FRMD4A: variants seen among roughly 807,000 people sequenced by gnomAD.
FRMD4A encodes FERM domain containing 4A.
In FRMD4A, 29 loss-of-function variants were observed where a neutral mutation model predicts 129.1. The ratio of observed to expected loss-of-function variants is 0.22; its 90% CI spans 0.17 to 0.31. The LOEUF (loss-of-function observed/expected upper bound fraction) is 0.31. Among genes scored for constraint, FRMD4A ranks in the 10% least tolerant of loss-of-function variants. FRMD4A has a pLI of 1.00. For synonymous variants in FRMD4A, 634 were observed against 571.6 expected (o/e 1.11, Z -1.56); for missense variants, 1,272 against 1,375.8 (o/e 0.92, Z 1.19).
At chr10:13,921,523 A>G (rs1203230986) in intron 2 of FRMD4A, among the ~76,000 whole-genome samples, 1 of 152,158 alleles carries the variant, frequency 6.6e-6, no homozygotes, top group East Asian at 1.9e-4. Context: ...GGCCTCCCGA[A>G]GTGTTGGAAT....
chr10:14,236,422 C>T (rs78796263), intron 2 of FRMD4A, among the ~76,000 whole-genome samples: 118 of 152,216 alleles, frequency 7.8e-4, no homozygotes, highest in African/African-American at 2.5e-3. Flanking sequence ...GAGCAGGAGC[C>T]GAGGTCTAGG....
At chr10:14,080,560 T>G (rs1835872404) in intron 2 of FRMD4A, among the ~76,000 whole-genome samples, 1 of 152,100 alleles carries the variant, frequency 6.6e-6, no homozygotes, top group African/African-American at 2.4e-5. Context: ...GAGCCTCTTC[T>G]GGGGTGGGAC....
At chr10:13,848,203 A>G (rs10796138) in intron 3 of FRMD4A, among the ~76,000 whole-genome samples, 150,640 of 152,274 alleles carry the variant, frequency 0.99, 74,532 homozygotes, top group Middle Eastern at 1. Flanking sequence ...GGCACCATAG[A>G]GAGGACATGG....
intron 2 of FRMD4A, among the ~76,000 whole-genome samples, chr10:14,006,250 A>G (rs956821734): frequency 6.6e-6 from 1 of 152,178 alleles, no homozygotes; most frequent in African/African-American, 2.4e-5. Flanking sequence ...CAATGTTCCA[A>G]GGATGTGCAG....
intron 2 of FRMD4A, chr10:13,971,920 T>C (rs2095520969): frequency 4.0e-6 from 5 of 1,237,900 alleles, no homozygotes; most frequent in South Asian, 1.4e-5. Flanking sequence ...AAAAATGCAG[T>C]CCAAATAACT....
chr10:13,909,524 A>C lies in FRMD4A; in HGVS notation c.46-50612T>G, dbSNP rs558156358. 3.9e-5 allele frequency among the ~76,000 whole-genome samples: 6 copies of C among 152,334 alleles called. No homozygotes were observed. The East Asian group carries it at 1.2e-3, about 29-fold the overall frequency. On this transcript the variant is annotated intron_variant, in intron 2 of 24. Transcript: ENST00000357447. ...AGCATGGAAACATAAGATAACCACA[A>C]ATGAATTCAAAATAAACAGTAATTA...
chr10:14,283,364 A>G (rs1564439043), intron 2 of FRMD4A, among the ~76,000 whole-genome samples: 1 of 152,230 alleles, frequency 6.6e-6, no homozygotes, highest in Non-Finnish European at 1.5e-5. Flanking sequence ...TGATCACTGA[A>G]AAGACAGCAA....
intron 2 of FRMD4A, among the ~76,000 whole-genome samples, chr10:14,177,131 G>C (rs1405907051): frequency 6.6e-6 from 1 of 152,150 alleles, no homozygotes; most frequent in Non-Finnish European, 1.5e-5. Flanking sequence ...CACTGTTTGT[G>C]CCCTTTCTAA....
At chr10:13,812,028 G>A (rs1479371286) in intron 3 of FRMD4A, among the ~76,000 whole-genome samples, 1 of 151,934 alleles carries the variant, frequency 6.6e-6, no homozygotes, top group Non-Finnish European at 1.5e-5. Context: ...GACTACAGGT[G>A]CGTGCCACCA....
Position 13,904,360 on chromosome 10 carries a change from A to T in FRMD4A, c.46-45448T>A, listed in dbSNP as rs1474862418. Among the ~76,000 whole-genome samples, 9 of 150,922 alleles carry T rather than the reference A, an allele frequency of 6.0e-5. No homozygotes were observed. In the South Asian group the frequency reaches 1.9e-3, roughly 32 times the overall value. Reference sequence around the variant, plus strand: ...CCTGACACCTGGTTGACTCCCACTCACTCTTCCAGCTCCGCTCAGACGCCT... The same window carrying T: ...CCTGACACCTGGTTGACTCCCACTCTCTCTTCCAGCTCCGCTCAGACGCCT... On this transcript the variant is annotated intron_variant, in intron 2 of 24. Transcript: ENST00000357447.
intron 2 of FRMD4A, among the ~76,000 whole-genome samples, chr10:14,262,178 C>T (rs1232500411): frequency 1.3e-5 from 2 of 152,160 alleles, no homozygotes; most frequent in Non-Finnish European, 2.9e-5. Flanking sequence ...AGAGATTTCA[C>T]ATTTCAGTCC....
intron 2 of FRMD4A, among the ~76,000 whole-genome samples, chr10:14,052,505 C>T (rs543321486): frequency 6.6e-4 from 101 of 152,084 alleles, no homozygotes; most frequent in Non-Finnish European, 1.1e-3. Flanking sequence ...GAAGGGGAGC[C>T]AGCATGACAT....
intron 6 of FRMD4A, among the ~76,000 whole-genome samples, chr10:13,770,623 T>G (rs1301517280): frequency 6.6e-6 from 1 of 151,996 alleles, no homozygotes; most frequent in African/African-American, 2.4e-5. Flanking sequence ...TTAGTTTTTT[T>G]GTAGAGATGG....
intron 2 of FRMD4A, among the ~76,000 whole-genome samples, chr10:14,054,031 G>A (rs1054749300): frequency 6.6e-5 from 10 of 151,846 alleles, no homozygotes; most frequent in South Asian, 2.1e-4. Context: ...TTAAAAATTA[G>A]CTAGGTACCT....
intron 22 of FRMD4A, 151 bp downstream of exon 22, chr10:13,656,485 C>G: frequency 3.1e-6 from 3 of 959,120 alleles, no homozygotes; most frequent in East Asian, 6.6e-5. Context: ...TCAAGTCTCC[C>G]GCATCTAACA....
At chr10:13,845,454 G>A (rs530104542) in intron 3 of FRMD4A, among the ~76,000 whole-genome samples, 6 of 152,116 alleles carry the variant, frequency 3.9e-5, no homozygotes, top group Non-Finnish European at 5.9e-5. Flanking sequence ...GCATGAAATC[G>A]TATAGAAGAC....
chr10:14,167,830 C>A (rs1397824082), intron 2 of FRMD4A, among the ~76,000 whole-genome samples: 1 of 151,998 alleles, frequency 6.6e-6, no homozygotes, highest in East Asian at 1.9e-4. Context: ...GAGAGGAGAG[C>A]GCGCTGTAAG....
chr10:13,729,674 G>T (rs1228448918), intron 12 of FRMD4A, among the ~76,000 whole-genome samples: 1 of 152,174 alleles, frequency 6.6e-6, no homozygotes, highest in Non-Finnish European at 1.5e-5. Context: ...TTAGGGACAG[G>T]GGGGCAGGCC....
intron 2 of FRMD4A, among the ~76,000 whole-genome samples, chr10:13,925,197 G>A (rs1013835800): frequency 6.6e-6 from 1 of 152,112 alleles, no homozygotes; most frequent in Non-Finnish European, 1.5e-5. Flanking sequence ...GATATCACAG[G>A]GATGGTGGGG....
Sources: gnomAD v4.1 joint callset for allele counts (sites outside exome capture counted in the v4.1 genomes callset) on GRCh38, gnomAD v4.1.1 for gene constraint, MANE v1.5 for transcripts, NCBI Gene and HGNC (gene_info 2026-07-23, HGNC 2026-07-21) for gene names.